The following CADPS2 variants were observed in gnomAD, a reference collection of about 807,000 sequenced individuals.
The protein encoded by CADPS2 is calcium dependent secretion activator 2.
Under a neutral mutation model 172.5 loss-of-function variants are expected in CADPS2, and 93 were observed. The ratio of observed to expected loss-of-function variants is 0.54; its 90% CI spans 0.46 to 0.64. CADPS2 has a LOEUF of 0.64. CADPS2 is among the 30% of genes least tolerant of loss of function. CADPS2 has a pLI of 0.00. For missense variants in CADPS2, 1,420 were observed against 1,565.9 expected, an observed-to-expected ratio of 0.91 and a Z score of 1.57; for synonymous variants, 546 against 555.2, an observed-to-expected ratio of 0.98 and a Z score of 0.23.
intron 2 of CADPS2, among the ~76,000 whole-genome samples, chr7:122,688,547 CTT>C (rs1244411644): frequency 6.6e-6 from 1 of 152,210 alleles, no homozygotes; most frequent in Non-Finnish European, 1.5e-5. Flanking sequence ...CAGCACCTCT[CTT>C]AGAGTGTCCG....
At chr7:122,393,086 C>A in intron 22 of CADPS2, 110 bp downstream of exon 22, 1 of 1,240,758 alleles carries the variant, frequency 8.1e-7, no homozygotes, top group Non-Finnish European at 1.1e-6. Flanking sequence ...AAACAGTATT[C>A]CTCAACCAAC....
chr7:122,871,992 T>C (rs774715515), intron 1 of CADPS2, among the ~76,000 whole-genome samples: 1 of 152,064 alleles, frequency 6.6e-6, no homozygotes, highest in Non-Finnish European at 1.5e-5. Context: ...ACCATACATA[T>C]GACAACACTC....
intron 1 of CADPS2, among the ~76,000 whole-genome samples, chr7:122,882,380 C>T (rs907196027): frequency 4.6e-5 from 7 of 152,024 alleles, no homozygotes; most frequent in Non-Finnish European, 8.8e-5. Context: ...TTTTAATACC[C>T]TCTTATTTCT....
intron 8 of CADPS2, among the ~76,000 whole-genome samples, chr7:122,514,057 T>C (rs996789290): frequency 2.0e-5 from 3 of 152,122 alleles, no homozygotes; most frequent in African/African-American, 7.2e-5. Context: ...TTACTGAATA[T>C]ACAAATGATA....
At position 122,803,974 on chromosome 7, in the gene CADPS2, GAAAAAAAAAAA is replaced by G. The variant is rs869246600; in HGVS notation, c.340-66917_340-66907del. 2.9e-4 allele frequency among the ~76,000 whole-genome samples: 25 copies of G among 85,134 alleles called. No individual in the cohort carries two copies. The East Asian group carries it at 4.6e-3, about 16-fold the overall frequency. 55.9% of individuals were successfully genotyped at this position (85,134 alleles called of 152,430 possible). A position where few individuals can be genotyped will look rare whatever the true frequency, so the allele number is the denominator to read the frequency against. On this transcript the variant is annotated intron_variant, in intron 1 of 29. Transcript: ENST00000449022. ...GTCTTTTTAAAACCAGGCTTGAATG[GAAAAAAAAAAA>G]AAAAAAAAAAAAACACTGCAAAGCA...
At chr7:122,821,193 G>C (rs1242207707) in intron 1 of CADPS2, among the ~76,000 whole-genome samples, 1 of 151,746 alleles carries the variant, frequency 6.6e-6, no homozygotes, top group East Asian at 2.0e-4. Context: ...CCCCAAATTT[G>C]CTTCTTTCCT....
At chr7:122,790,030 T>G (rs988473505) in intron 1 of CADPS2, among the ~76,000 whole-genome samples, 1 of 144,562 alleles carries the variant, frequency 6.9e-6, no homozygotes, top group Non-Finnish European at 1.5e-5. Context: ...TATTAAGTGT[T>G]TTTTTTTTTT....
chr7:122,552,848 A>G (rs2064498757), intron 8 of CADPS2, among the ~76,000 whole-genome samples: 1 of 151,708 alleles, frequency 6.6e-6, no homozygotes, highest in African/African-American at 2.4e-5. Context: ...GGGTAGAGAA[A>G]CAACTGCAGT....
chr7:122,394,919 GGAT>G (rs1262553623), intron 20 of CADPS2, among the ~76,000 whole-genome samples: 1 of 152,176 alleles, frequency 6.6e-6, no homozygotes, highest in Non-Finnish European at 1.5e-5. Flanking sequence ...ACTAGGTAAA[GGAT>G]GATAATGGCT....
chr7:122,451,322 G>A, intron 15 of CADPS2, 52 bp downstream of exon 15: 1 of 955,184 alleles, frequency 1.0e-6, no homozygotes, highest in South Asian at 2.3e-5. Flanking sequence ...GGGGAAGTAA[G>A]GGTTGAGTAA....
chr7:122,485,812 A>C (rs775878007), intron 11 of CADPS2, among the ~76,000 whole-genome samples: 35 of 152,210 alleles, frequency 2.3e-4, no homozygotes, highest in Non-Finnish European at 2.5e-4. Context: ...TTCAGAGTAC[A>C]GGCTCTCTTG....
chr7:122,606,363 T>C (rs1353300093), intron 6 of CADPS2, among the ~76,000 whole-genome samples: 3 of 152,100 alleles, frequency 2.0e-5, no homozygotes, highest in Non-Finnish European at 4.4e-5. Context: ...CTCAGTCCTA[T>C]TAAAAATATA....
intron 28 of CADPS2, among the ~76,000 whole-genome samples, chr7:122,329,508 GA>G (rs1401061893): frequency 6.6e-6 from 1 of 152,174 alleles, no homozygotes. Context: ...CAGAGCTGGT[GA>G]AAAGAGATTT....
chr7:122,713,893 A>AC (rs2089188931), intron 2 of CADPS2, among the ~76,000 whole-genome samples: 1 of 152,036 alleles, frequency 6.6e-6, no homozygotes, highest in Non-Finnish European at 1.5e-5. Flanking sequence ...ACATCCACAG[A>AC]CCACCCATAA....
At chr7:122,706,633 T>C (rs958359563) in intron 2 of CADPS2, among the ~76,000 whole-genome samples, 7 of 147,746 alleles carry the variant, frequency 4.7e-5, no homozygotes, top group African/African-American at 1.5e-4. Context: ...TGTGTGTATA[T>C]ATATATAGTT....
chr7:122,638,801 T>G (rs2077319407), intron 3 of CADPS2, among the ~76,000 whole-genome samples: 1 of 152,214 alleles, frequency 6.6e-6, no homozygotes, highest in Non-Finnish European at 1.5e-5. Context: ...GGCAGGCAGC[T>G]GCCCAGCTTC....
At chr7:122,575,829 A>G (rs1300509254) in intron 7 of CADPS2, among the ~76,000 whole-genome samples, 1 of 152,204 alleles carries the variant, frequency 6.6e-6, no homozygotes, top group Non-Finnish European at 1.5e-5. Flanking sequence ...TAAACACTAT[A>G]GACGTTTTAC....
intron 2 of CADPS2, among the ~76,000 whole-genome samples, chr7:122,705,615 TTA>T (rs535125608): frequency 0.11 from 11,278 of 101,054 alleles, 1,024 homozygotes; most frequent in Non-Finnish European, 0.13. Context: ...TATATAACAT[TTA>T]TATATATTAT....
intron 9 of CADPS2, among the ~76,000 whole-genome samples, chr7:122,511,309 C>CA (rs1197941277): frequency 3.9e-5 from 6 of 152,022 alleles, no homozygotes; most frequent in Non-Finnish European, 8.8e-5. Flanking sequence ...GAGTAATAAT[C>CA]AAAGTATACA....
Sources: gnomAD v4.1 joint callset for allele counts (sites outside exome capture counted in the v4.1 genomes callset) on GRCh38, gnomAD v4.1.1 for gene constraint, MANE v1.5 for transcripts, NCBI Gene and HGNC (gene_info 2026-07-23, HGNC 2026-07-21) for gene names.